Variants in RTN4R observed in about 807,000 individuals in gnomAD.
RTN4R encodes the protein reticulon-4 receptor.
RTN4R carries 4 observed loss-of-function variants against 27.7 expected under a neutral mutation model. That is an observed-to-expected ratio of 0.14 (90% confidence interval 0.07 to 0.33). The LOEUF (loss-of-function observed/expected upper bound fraction) is 0.33. RTN4R is among the 10% of genes least tolerant of loss of function. The pLI is 1.00. For synonymous variants in RTN4R, 290 were observed against 305.6 expected, an observed-to-expected ratio of 0.95 and a Z score of 0.53; for missense variants, 554 against 671.5, an observed-to-expected ratio of 0.83 and a Z score of 1.93.
intron 1 of RTN4R, chr22:20,249,351 C>T: frequency 2.4e-6 from 1 of 423,170 alleles, no homozygotes; most frequent in Non-Finnish European, 4.9e-6. Context: ...GGTGCCTAGC[C>T]CTGCAGGGCC....
chr22:20,245,344 C>T (rs2051134307), intron 1 of RTN4R, among the ~76,000 whole-genome samples: 1 of 152,256 alleles, frequency 6.6e-6, no homozygotes, highest in African/African-American at 2.4e-5. Flanking sequence ...AGCCTGGCCC[C>T]CCTTGGGGCC....
At chr22:20,264,464 C>T (rs2051265880) in intron 1 of RTN4R, among the ~76,000 whole-genome samples, 3 of 152,236 alleles carry the variant, frequency 2.0e-5, no homozygotes, top group Admixed American at 1.3e-4. Context: ...CACTCTGTGA[C>T]CTCCTATCCT....
intron 1 of RTN4R, among the ~76,000 whole-genome samples, chr22:20,258,238 C>T (rs761797056): frequency 9.2e-5 from 14 of 152,222 alleles, no homozygotes; most frequent in Non-Finnish European, 1.8e-4. Flanking sequence ...CCCCTGCTGG[C>T]GTTTGCTCAA....
At position 20,242,857 on chromosome 22, in the gene RTN4R, C is replaced by T. The variant is rs758862350; in HGVS notation, c.276G>A (p.Val92=). 6.2e-7 allele frequency: 1 copy of T among 1,612,970 alleles called. No individual in the cohort carries two copies. Among genetic ancestry groups the T allele is most frequent in the South Asian group, 1.1e-5 (1 of 91,082 alleles). The change falls in exon 2 of 2, where the codon GTG becomes GTA. Residue 92 remains valine, a synonymous_variant. Coordinates refer to ENST00000043402, the MANE Select transcript of RTN4R (RefSeq NM_023004.6). ...AGGCAGCCGCATCAATTCGGGCCAGCACATTCGAGTGCAGCCACAGGATGG... is the reference window on the plus strand; with the variant it reads ...AGGCAGCCGCATCAATTCGGGCCAGTACATTCGAGTGCAGCCACAGGATGG... ...NLTILWLHSN[V]LARIDAAAFT...
intron 1 of RTN4R, among the ~76,000 whole-genome samples, chr22:20,265,781 G>A (rs546752964): frequency 6.6e-6 from 1 of 152,348 alleles, no homozygotes; most frequent in East Asian, 1.9e-4. Context: ...GAGTGGGGGT[G>A]TGGGGAGGTG....
intron 1 of RTN4R, among the ~76,000 whole-genome samples, chr22:20,244,303 C>T (rs969510034): frequency 2.0e-4 from 31 of 152,344 alleles, no homozygotes; most frequent in African/African-American, 7.5e-4. Context: ...CAACCTAGAA[C>T]TGTGACCCTG....
intron 1 of RTN4R, among the ~76,000 whole-genome samples, chr22:20,258,882 G>C (rs1305315502): frequency 6.6e-6 from 1 of 152,324 alleles, no homozygotes; most frequent in East Asian, 1.9e-4. Flanking sequence ...ACTCAGCTAG[G>C]AGTGGGGCGT....
intron 1 of RTN4R, chr22:20,249,332 CCG>C: frequency 1.3e-5 from 6 of 446,802 alleles, no homozygotes; most frequent in South Asian, 9.2e-5. Flanking sequence ...CTGACCCTGC[CCG>C]CTACCTGGTG....
intron 1 of RTN4R, among the ~76,000 whole-genome samples, chr22:20,264,928 C>T (rs966816361): frequency 2.6e-5 from 4 of 152,190 alleles, no homozygotes; most frequent in African/African-American, 7.2e-5. Context: ...GTGCCAGGGC[C>T]GGGCGGGGCG....
At chr22:20,249,729 G>A (rs1045770664) in intron 1 of RTN4R, among the ~76,000 whole-genome samples, 1 of 152,222 alleles carries the variant, frequency 6.6e-6, no homozygotes, top group African/African-American at 2.4e-5. Flanking sequence ...CGCTGCGGCA[G>A]AGGAAGATGT....
Position 20,268,098 on chromosome 22 carries a change from G to A in RTN4R, c.-6C>T. On this transcript the variant is annotated 5_prime_UTR_variant, in exon 1 of 2. Transcript: ENST00000043402. ...CCAGCGGACGCCCTCTTCATCGTAG[G>A]GGTTGGGCGGGGCGCGTCGGGGACT... The A allele has an allele frequency of 1.7e-6, 2 of 1,186,674 alleles. No individual in the cohort carries two copies. Among genetic ancestry groups the A allele is most frequent in the East Asian group, 4.0e-5 (1 of 24,802 alleles). 73.5% of individuals were successfully genotyped at this position (1,186,674 alleles called of 1,614,324 possible). A position where few individuals can be genotyped will look rare whatever the true frequency, so the allele number is the denominator to read the frequency against.
chr22:20,268,038 C>G, intron 1 of RTN4R, 33 bp downstream of exon 1: 1 of 1,154,848 alleles, frequency 8.7e-7, no homozygotes, highest in Non-Finnish European at 1.1e-6. Context: ...CGCCCCGCCG[C>G]CGGCCGGGCT....
chr22:20,251,334 C>CA (rs746846023), intron 1 of RTN4R, among the ~76,000 whole-genome samples: 57 of 152,226 alleles, frequency 3.7e-4, no homozygotes, highest in Non-Finnish European at 6.6e-4. Flanking sequence ...GTGCAGGAAA[C>CA]AAGAGAGGAA....
At chr22:20,247,248 C>G (rs963711563) in intron 1 of RTN4R, among the ~76,000 whole-genome samples, 10 of 152,150 alleles carry the variant, frequency 6.6e-5, no homozygotes, top group African/African-American at 2.2e-4. Flanking sequence ...GCCGGGACAT[C>G]AGTCAGCTCA....
chr22:20,249,236 G>A (rs747654160), intron 1 of RTN4R: 15 of 532,058 alleles, frequency 2.8e-5, no homozygotes, highest in Non-Finnish European at 5.0e-5. Context: ...ACCGGTGGCC[G>A]GCCTGCTCCC....
At chr22:20,254,063 T>A (rs1393930295) in intron 1 of RTN4R, among the ~76,000 whole-genome samples, 1 of 152,106 alleles carries the variant, frequency 6.6e-6, no homozygotes, top group African/African-American at 2.4e-5. Context: ...CCACTGGGCA[T>A]TCACAGTGCA....
intron 1 of RTN4R, among the ~76,000 whole-genome samples, chr22:20,258,263 A>T (rs2051223770): frequency 6.6e-6 from 1 of 152,186 alleles, no homozygotes; most frequent in South Asian, 2.1e-4. Flanking sequence ...CTCCCCCTCC[A>T]GAATGCCCTG....
chr22:20,267,745 CCGGGCCCCGCCCTTCCAGCCCA>C (rs1321817203), intron 1 of RTN4R: 2 of 416,578 alleles, frequency 4.8e-6, no homozygotes, highest in Non-Finnish European at 9.7e-6. Context: ...CGCTCCGAGG[CCGGGCCCCGCCCTTCCAGCCCA>C]CGGCCCCCGC....
At chr22:20,262,083 T>C (rs1289556671) in intron 1 of RTN4R, among the ~76,000 whole-genome samples, 2 of 152,128 alleles carry the variant, frequency 1.3e-5, no homozygotes, top group Non-Finnish European at 2.9e-5. Context: ...GGTCTGAGGA[T>C]GGCCCTCAGT....
Sources: gnomAD v4.1 joint callset for allele counts (sites outside exome capture counted in the v4.1 genomes callset) on GRCh38, gnomAD v4.1.1 for gene constraint, MANE v1.5 for transcripts, NCBI Gene and HGNC (gene_info 2026-07-23, HGNC 2026-07-21) for gene names.